The following VPS53 variants were observed in gnomAD, a reference collection of about 807,000 sequenced individuals.
VPS53 encodes the protein vacuolar protein sorting-associated protein 53 homolog.
A neutral mutation model predicts 107.0 loss-of-function variants in VPS53; 70 were observed. That is an observed-to-expected ratio of 0.65 (90% CI 0.54 to 0.80). The LOEUF is 0.80. Among genes scored for constraint, VPS53 ranks in the 30% least tolerant of loss-of-function variants. The pLI is 0.00. For missense variants in VPS53, 917 were observed against 1,049.4 expected (o/e 0.87, Z 1.74); for synonymous variants, 409 against 393.3 (o/e 1.04, Z -0.47).
At chr17:654,846 A>G (rs367636787) in intron 6 of VPS53, among the ~76,000 whole-genome samples, 1 of 151,788 alleles carries the variant, frequency 6.6e-6, no homozygotes, top group African/African-American at 2.4e-5. Context: ...ACCACCGCCC[A>G]GTCTTACCAC....
intron 7 of VPS53, among the ~76,000 whole-genome samples, chr17:635,698 G>C (rs535229254): frequency 2.0e-5 from 3 of 152,200 alleles, no homozygotes; most frequent in Non-Finnish European, 4.4e-5. Flanking sequence ...TCAAAGATCA[G>C]ATGGTTGTAG....
intron 7 of VPS53, among the ~76,000 whole-genome samples, chr17:634,902 T>G: frequency 1.4e-5 from 1 of 69,018 alleles, no homozygotes; most frequent in African/African-American, 3.3e-5. Flanking sequence ...ATCCTTTGGG[T>G]ATATACCCAG....
chr17:601,151 C>T (rs1968306671), intron 12 of VPS53: 1 of 152,198 alleles, frequency 6.6e-6, no homozygotes, highest in South Asian at 2.1e-4. Context: ...GATCACTAAT[C>T]TAGAAGGGAA....
intron 11 of VPS53, among the ~76,000 whole-genome samples, chr17:605,080 C>A (rs1968502793): frequency 6.7e-6 from 1 of 149,656 alleles, no homozygotes; most frequent in Non-Finnish European, 1.5e-5. Flanking sequence ...TGAGCCAGAG[C>A]TGAAGGATGC....
intron 4 of VPS53, among the ~76,000 whole-genome samples, chr17:672,175 A>ATCTCTCTCTCTT (rs1491170833): frequency 9.3e-6 from 1 of 107,068 alleles, no homozygotes; most frequent in Non-Finnish European, 1.9e-5. Context: ...CACAATCTCA[A>ATCTCTCTCTCTT]TCTCTCTCTC....
At chr17:579,341 G>A (rs1966874714) in intron 13 of VPS53, among the ~76,000 whole-genome samples, 1 of 149,046 alleles carries the variant, frequency 6.7e-6, no homozygotes, top group Non-Finnish European at 1.5e-5. Context: ...CGTTCCCAGA[G>A]AAATTCCCTC....
chr17:656,664 C>G, intron 5 of VPS53: 1 of 557,104 alleles, frequency 1.8e-6, no homozygotes, highest in Non-Finnish European at 3.2e-6. Flanking sequence ...CAGGTGAAAT[C>G]ATCCACTGTG....
intron 13 of VPS53, among the ~76,000 whole-genome samples, chr17:568,493 T>G (rs972928500): frequency 3.3e-5 from 5 of 152,128 alleles, no homozygotes; most frequent in African/African-American, 1.2e-4. Context: ...GCCATCCACC[T>G]GCCTCAGCCT....
Position 537,020 on chromosome 17 carries a change from G to A in VPS53, c.2015+8C>T, listed in dbSNP as rs779777526. On this transcript the variant is annotated splice_region_variant and intron_variant, in intron 18 of 21. Transcript: ENST00000437048. ...AGAACCCAGAGATGAGCACGCCCCAGGACTTACTTTGCAAATTTAACGCAG... is the reference window on the plus strand; with the variant it reads ...AGAACCCAGAGATGAGCACGCCCCAAGACTTACTTTGCAAATTTAACGCAG... 5.0e-6 allele frequency: 8 copies of A among 1,614,062 alleles called. No homozygotes were observed. The East Asian group carries it at 1.8e-4, about 36-fold the overall frequency.
In VPS53 at chr17:519,742, C is replaced by T. The variant is rs532422080; in HGVS notation, c.2328+84G>A. On this transcript the variant is annotated intron_variant, in intron 21 of 21. Transcript: ENST00000437048. The surrounding 1 kb of genome is among the most constrained non-coding windows in gnomAD (Gnocchi z 5.0). ...CACATGCATTTTGAGAAAGCCCCCC[C>T]GGAACTTATATCCCAATTCCCGGTT... 2.2e-5 allele frequency: 23 copies of T among 1,041,720 alleles called. No homozygotes were observed. Among genetic ancestry groups the T allele is most frequent in the South Asian group, 1.6e-4 (11 of 69,474 alleles). The allele number at this position is 1,041,720 out of a possible 1,614,324, so 64.5% of individuals were successfully genotyped here.
chr17:637,140 T>A (rs1970231099), intron 7 of VPS53, among the ~76,000 whole-genome samples: 1 of 152,188 alleles, frequency 6.6e-6, no homozygotes, highest in African/African-American at 2.4e-5. Context: ...CCTGGTTTAG[T>A]CTTGGGAGGG....
rs1056873850 is a variant in VPS53 at position 512,390 on chromosome 17, G to T, written c.*6738C>A. 7.2e-5 allele frequency: 11 copies of T among 152,212 alleles called. No homozygotes were observed. The highest frequency in any genetic ancestry group is 2.4e-4 in the African/African-American group (10 of 41,458). The allele number at this position is 152,212 out of a possible 1,614,324, so 9.4% of individuals were successfully genotyped here. On this transcript the variant is annotated 3_prime_UTR_variant, in exon 22 of 22. Transcript: ENST00000437048. ...GACTCGCCTGGTGTCAAAGTGCCAGGTCCAAATCAAGACCTGCAGATCAAG... is the reference window on the plus strand; with the variant it reads ...GACTCGCCTGGTGTCAAAGTGCCAGTTCCAAATCAAGACCTGCAGATCAAG...
intron 10 of VPS53, among the ~76,000 whole-genome samples, chr17:625,081 T>C (rs1199549643): frequency 6.6e-6 from 1 of 151,544 alleles, no homozygotes; most frequent in Non-Finnish European, 1.5e-5. Flanking sequence ...AACCTTGACC[T>C]GGGCTCAAGC....
chr17:655,315 T>TAAAAAGTAGATTGAAAA lies in VPS53; in HGVS notation c.488+522_488+523insTTTTCAATCTACTTTTT, dbSNP rs60550992. On this transcript the variant is annotated intron_variant, in intron 6 of 21. Transcript: ENST00000437048. ...ACAAGCCAAACGGAAATCTACTTTA[T>TAAAAAGTAGATTGAAAA]AAAAAAAAGTGGTTTGAATGATTGA... is the stretch of plus-strand genomic sequence containing the variant. 1.5e-3 allele frequency among the ~76,000 whole-genome samples: 231 copies of TAAAAAGTAGATTGAAAA among 151,626 alleles called. 1 individual carries two copies. Among genetic ancestry groups the TAAAAAGTAGATTGAAAA allele is most frequent in the Non-Finnish European group, 2.7e-3 (181 of 67,904 alleles).
chr17:521,872 G>A, intron 19 of VPS53, 134 bp from the exon 20 acceptor site: 2 of 1,101,960 alleles, frequency 1.8e-6, no homozygotes, highest in South Asian at 3.0e-5. Context: ...GAAATAAACA[G>A]AAATATAAAA....
intron 4 of VPS53, among the ~76,000 whole-genome samples, chr17:689,638 T>C (rs1025894847): frequency 1.3e-5 from 2 of 151,998 alleles, no homozygotes; most frequent in Non-Finnish European, 2.9e-5. Context: ...TGCATCTGGC[T>C]AATTTTTGTA....
chr17:587,796 C>T (rs1477316551), intron 12 of VPS53, among the ~76,000 whole-genome samples: 4 of 152,108 alleles, frequency 2.6e-5, no homozygotes, highest in Non-Finnish European at 5.9e-5. Flanking sequence ...AAATTGGCAC[C>T]CACAACATAC....
intron 13 of VPS53, among the ~76,000 whole-genome samples, chr17:577,605 T>G (rs1400116842): frequency 7.5e-6 from 1 of 133,872 alleles, no homozygotes; most frequent in African/African-American, 2.9e-5. Context: ...CCCAAAGAAC[T>G]TCCTTTAGGA....
chr17:683,841 T>TA (rs1972489290), intron 4 of VPS53, among the ~76,000 whole-genome samples: 1 of 152,300 alleles, frequency 6.6e-6, no homozygotes, highest in Admixed American at 6.5e-5. Flanking sequence ...TCTAAAAATA[T>TA]AAAATAAATG....
Sources: allele counts gnomAD v4.1 joint callset (sites outside exome capture counted in the v4.1 genomes callset), GRCh38; gene constraint gnomAD v4.1.1; non-coding constraint Gnocchi (gnomAD v3.1); transcripts MANE v1.5; gene names NCBI Gene and HGNC (gene_info 2026-07-23, HGNC 2026-07-21).